Variants in DLGAP2 observed in about 807,000 individuals in gnomAD.
The protein encoded by DLGAP2 is DLG associated protein 2.
Under a neutral mutation model 100.3 loss-of-function variants are expected in DLGAP2, and 26 were observed. That is an observed-to-expected ratio of 0.26 (90% CI 0.19 to 0.36). The LOEUF is 0.36. Among genes scored for constraint, DLGAP2 ranks in the 10% least tolerant of loss-of-function variants. The pLI is 1.00. For missense variants in DLGAP2, 1,858 were observed against 1,453.2 expected (o/e 1.28, Z -4.53); for synonymous variants, 886 against 630.1 (o/e 1.41, Z -6.08).
intron 14 of DLGAP2, among the ~76,000 whole-genome samples, chr8:1,699,015 G>A (rs1236270752): frequency 6.6e-6 from 1 of 152,274 alleles, no homozygotes; most frequent in African/African-American, 2.4e-5. Context: ...TGTGGGACTA[G>A]ACAGGTCCGT....
rs1000439446 is a variant in DLGAP2, at chr8:1,702,379, G to T, written c.*973G>T. The T allele has an allele frequency of 1.3e-5, 2 of 151,540 alleles. No individual in the cohort carries two copies. Among genetic ancestry groups the T allele is most frequent in the Non-Finnish European group, 2.9e-5 (2 of 67,890 alleles). The allele number at this position is 151,540 out of a possible 1,614,324, so 9.4% of individuals were successfully genotyped here. A position where few individuals can be genotyped will look rare whatever the true frequency, so the allele number is the denominator to read the frequency against. On this transcript the variant is annotated 3_prime_UTR_variant, in exon 15 of 15. Transcript: ENST00000637795. ...GGTATCCTTAAAAAAAAACACACAC[G>T]AAAAACAAAAGTTTGCTTGTTTAAA...
At chr8:1,158,442 G>C (rs993891754) in intron 2 of DLGAP2, among the ~76,000 whole-genome samples, 3 of 152,194 alleles carry the variant, frequency 2.0e-5, no homozygotes, top group African/African-American at 7.2e-5. Context: ...CTGTATGCTT[G>C]ATTTGCAATT....
rs1412976836 is a variant in DLGAP2, at chr8:1,407,198, C to T, written c.107-94168C>T. Among the ~76,000 whole-genome samples the T allele has an allele frequency of 5.5e-4, 25 of 45,536 alleles. 1 individual carries two copies. The highest frequency in any genetic ancestry group is 2.9e-3 in the African/African-American group (20 of 6,948). 29.9% of individuals were successfully genotyped at this position (45,536 alleles called of 152,430 possible). On this transcript the variant is annotated intron_variant, in intron 3 of 14. Transcript: ENST00000637795. ...TACTGAGCGCTCCCTCCTTGTCCTCCGGAGTCGTGTATTGAGTGCTTACTG... is the reference window on the plus strand; with the variant it reads ...TACTGAGCGCTCCCTCCTTGTCCTCTGGAGTCGTGTATTGAGTGCTTACTG...
chr8:1,168,611 T>C (rs1797066059), intron 2 of DLGAP2, among the ~76,000 whole-genome samples: 1 of 149,098 alleles, frequency 6.7e-6, no homozygotes, highest in African/African-American at 2.5e-5. Context: ...TGGTTTTGAT[T>C]TGCATTTCTC....
At chr8:1,208,512 G>A (rs1259497030) in intron 2 of DLGAP2, among the ~76,000 whole-genome samples, 1 of 152,134 alleles carries the variant, frequency 6.6e-6, no homozygotes, top group African/African-American at 2.4e-5. Context: ...CACACTAACA[G>A]CCAACATTAT....
intron 2 of DLGAP2, among the ~76,000 whole-genome samples, chr8:1,215,444 T>A (rs1798195461): frequency 6.8e-6 from 1 of 147,340 alleles, no homozygotes; most frequent in Non-Finnish European, 1.5e-5. Context: ...CCTGGATGGG[T>A]TCATTTGGGT....
chr8:1,416,270 G>A (rs977042513), intron 3 of DLGAP2, among the ~76,000 whole-genome samples: 9 of 152,184 alleles, frequency 5.9e-5, no homozygotes, highest in South Asian at 4.1e-4. Flanking sequence ...CCGGCCTGGC[G>A]GGGGATTGTA....
intron 3 of DLGAP2, among the ~76,000 whole-genome samples, chr8:1,477,072 A>G (rs1007521046): frequency 2.0e-5 from 3 of 152,264 alleles, no homozygotes; most frequent in Non-Finnish European, 4.4e-5. Context: ...CGCAGACACA[A>G]TTAATCACGT....
chr8:974,186 A>G (rs1182007761), intron 2 of DLGAP2, among the ~76,000 whole-genome samples: 1 of 152,232 alleles, frequency 6.6e-6, no homozygotes, highest in South Asian at 2.1e-4. Flanking sequence ...CCAGCAAGAT[A>G]TATATTAAAA....
chr8:885,451 G>C (rs902043497), intron 1 of DLGAP2, among the ~76,000 whole-genome samples: 4 of 152,214 alleles, frequency 2.6e-5, no homozygotes, highest in African/African-American at 9.6e-5. Flanking sequence ...AGGAAGGCTT[G>C]TGATTTTTGC....
intron 2 of DLGAP2, among the ~76,000 whole-genome samples, chr8:1,237,324 C>T (rs1446179641): frequency 2.4e-5 from 3 of 125,260 alleles, no homozygotes; most frequent in Admixed American, 2.2e-4. Context: ...AGCATCGTGT[C>T]TAGTTCTCTC....
chr8:856,076 G>T (rs1469701295), intron 1 of DLGAP2, among the ~76,000 whole-genome samples: 2 of 151,566 alleles, frequency 1.3e-5, no homozygotes, highest in East Asian at 1.9e-4. Flanking sequence ...GGAAATAAAA[G>T]ATATGCATAT....
chr8:1,179,874 C>G (rs1458624267), intron 2 of DLGAP2, among the ~76,000 whole-genome samples: 2 of 152,090 alleles, frequency 1.3e-5, no homozygotes, highest in African/African-American at 4.8e-5. Context: ...ATAACAGTAG[C>G]TAAAGTGTAC....
intron 6 of DLGAP2, among the ~76,000 whole-genome samples, chr8:1,625,569 A>G (rs896991522): frequency 6.6e-5 from 10 of 152,274 alleles, no homozygotes; most frequent in Non-Finnish European, 1.3e-4. Flanking sequence ...ACAACTTTGC[A>G]TAAGTTAAAA....
At chr8:1,269,465 AT>A (rs1799535524) in intron 3 of DLGAP2, among the ~76,000 whole-genome samples, 1 of 152,118 alleles carries the variant, frequency 6.6e-6, no homozygotes, top group African/African-American at 2.4e-5. Context: ...GTGTTTACAC[AT>A]TTGAGCTGAG....
chr8:757,039 C>T (rs1219082061), intron 1 of DLGAP2, among the ~76,000 whole-genome samples: 5 of 152,172 alleles, frequency 3.3e-5, no homozygotes, highest in African/African-American at 9.7e-5. Flanking sequence ...GTTCCCTGTT[C>T]GTGGCTCCCT....
chr8:1,127,326 T>A (rs896064186), intron 2 of DLGAP2, among the ~76,000 whole-genome samples: 6 of 151,924 alleles, frequency 3.9e-5, no homozygotes, highest in Non-Finnish European at 8.8e-5. Context: ...ACAGCCACCA[T>A]GAGGGGTCAT....
intron 6 of DLGAP2, among the ~76,000 whole-genome samples, chr8:1,625,124 T>G (rs560977832): frequency 6.6e-6 from 1 of 152,338 alleles, no homozygotes; most frequent in African/African-American, 2.4e-5. Flanking sequence ...AGAAAGTGTG[T>G]GCTTTAATGC....
At chr8:1,506,613 C>A (rs536812987) in intron 4 of DLGAP2, among the ~76,000 whole-genome samples, 2 of 152,182 alleles carry the variant, frequency 1.3e-5, no homozygotes, top group African/African-American at 4.8e-5. Context: ...CAGCAGGTTG[C>A]CAGTGCCGGC....
Sources: gnomAD v4.1 joint callset for allele counts (sites outside exome capture counted in the v4.1 genomes callset) on GRCh38, gnomAD v4.1.1 for gene constraint, MANE v1.5 for transcripts, NCBI Gene and HGNC (gene_info 2026-07-23, HGNC 2026-07-21) for gene names.